The following SEC14L1 variants were observed in gnomAD, a reference collection of about 807,000 sequenced individuals.
SEC14L1 encodes SEC14 like lipid binding 1, also known as SEC14-like protein 1.
SEC14L1 carries 48 observed loss-of-function variants against 85.3 expected under a neutral mutation model. The observed-to-expected ratio is 0.56, with a 90% confidence interval of 0.45 to 0.72. The LOEUF (loss-of-function observed/expected upper bound fraction) is 0.72, where lower values mean the gene tolerates loss of function less well. Ranked by LOEUF, SEC14L1 falls within the 30% of genes least tolerant of loss-of-function variation. SEC14L1 has a pLI of 0.00. For missense variants in SEC14L1, 682 were observed against 921.4 expected, an observed-to-expected ratio of 0.74 and a Z score of 3.36; for synonymous variants, 391 against 355.5, an observed-to-expected ratio of 1.10 and a Z score of -1.12.
At chr17:77,194,556 A>AG in intron 6 of SEC14L1, 121 bp from the exon 7 acceptor site, 1 of 743,336 alleles carries the variant, frequency 1.3e-6, no homozygotes, top group Non-Finnish European at 2.2e-6. Context: ...TGTCTCAAAA[A>AG]AAAAAAAAGA....
chr17:77,216,009 AG>A lies in SEC14L1; in HGVS notation c.*1988del. 3.2e-6 allele frequency: 3 copies of A among 931,580 alleles called. No individual in the cohort carries two copies. The African/African-American group carries it at 6.4e-5, about 20-fold the overall frequency. The allele number at this position is 931,580 out of a possible 1,614,324, so 57.7% of individuals were successfully genotyped here. A position where few individuals can be genotyped will look rare whatever the true frequency, so the allele number is the denominator to read the frequency against. The stretch of plus-strand genomic sequence containing the variant: ...GGTAGGGCTAGTAGGTAGGGTTCGT[AG>A]GTAGGGTTCGTAGGTAGGGCTAGTA... On this transcript the variant is annotated 3_prime_UTR_variant, in exon 17 of 17. Transcript: ENST00000436233.
Position 77,206,370 on chromosome 17 carries a change from G to A in SEC14L1, c.1311G>A (p.Ala437=), listed in dbSNP as rs746446544. Residue 437 remains alanine (A), a synonymous_variant, in exon 12 of 17, where the codon GCG becomes GCA. Transcript: ENST00000436233. The surrounding 1 kb of genome is among the most constrained non-coding windows in gnomAD (Gnocchi z 4.3). ...TGGGCCGCCTTCTCATCCTGCGGGC[G>A]CCCAGGGTATTTCCTGTGCTCTGGA... is the stretch of plus-strand genomic sequence containing the variant. ...ETLGRLLILR[A]PRVFPVLWTL... The A allele has an allele frequency of 7.4e-6, 12 of 1,613,996 alleles. No homozygotes were observed. The highest frequency in any genetic ancestry group is 3.3e-5 in the South Asian group (3 of 91,094).
chr17:77,200,837 G>A (rs1317836335), intron 9 of SEC14L1, among the ~76,000 whole-genome samples, 164 bp downstream of exon 9: 1 of 152,140 alleles, frequency 6.6e-6, no homozygotes, highest in East Asian at 1.9e-4. Flanking sequence ...AGACTGATAC[G>A]TGTCACCACG....
At chr17:77,191,097 CA>C in intron 4 of SEC14L1, 83 bp from the exon 5 acceptor site, 1 of 1,527,852 alleles carries the variant, frequency 6.5e-7, no homozygotes, top group East Asian at 2.3e-5. Context: ...GGGCAGCCCC[CA>C]GAGACAACAT....
intron 3 of SEC14L1, among the ~76,000 whole-genome samples, chr17:77,097,341 G>A (rs1971670754): frequency 2.0e-5 from 3 of 152,172 alleles, no homozygotes; most frequent in African/African-American, 4.8e-5. Context: ...CGAGGCGGGC[G>A]GATCACAAGG....
At chr17:77,142,875 G>C (rs1973123210) in intron 2 of SEC14L1, 125 bp downstream of exon 2, 1 of 152,240 alleles carries the variant, frequency 6.6e-6, no homozygotes, top group African/African-American at 2.4e-5. Flanking sequence ...CCCATAAGGA[G>C]GGCTCCTTGA....
chr17:77,170,240 G>A (rs1022761801), intron 3 of SEC14L1, among the ~76,000 whole-genome samples: 2 of 152,112 alleles, frequency 1.3e-5, no homozygotes, highest in South Asian at 2.1e-4. Flanking sequence ...CTTTTTTAAC[G>A]TGACTCTGGT....
intron 3 of SEC14L1, chr17:77,093,932 C>A (rs2143280711): frequency 6.6e-6 from 1 of 152,298 alleles, no homozygotes; most frequent in East Asian, 1.9e-4. Context: ...ATGAGCAAAT[C>A]CTATAAAGCA....
intron 3 of SEC14L1, among the ~76,000 whole-genome samples, chr17:77,121,260 G>A (rs553891723): frequency 6.6e-6 from 1 of 152,294 alleles, no homozygotes; most frequent in Admixed American, 6.5e-5. Context: ...CAGCGGGCAG[G>A]GAAAAGAGAT....
chr17:77,216,762 G>C lies in SEC14L1; in HGVS notation c.*2739G>C, dbSNP rs1459267899. 1 of 915,028 alleles carries C rather than the reference G, an allele frequency of 1.1e-6. No individual in the cohort carries two copies. The highest frequency in any genetic ancestry group is 1.7e-5 in the African/African-American group (1 of 60,598). The allele number at this position is 915,028 out of a possible 1,614,324, so 56.7% of individuals were successfully genotyped here. A position where few individuals can be genotyped will look rare whatever the true frequency, so the allele number is the denominator to read the frequency against. Reference sequence around the variant, plus strand: ...GCTCAAAGCACATGACCGCACAAATGCTTACAGGGTTTCCTCCCGAGTAAT... The same window carrying C: ...GCTCAAAGCACATGACCGCACAAATCCTTACAGGGTTTCCTCCCGAGTAAT... On this transcript the variant is annotated 3_prime_UTR_variant, in exon 17 of 17. Transcript: ENST00000436233.
intron 3 of SEC14L1, among the ~76,000 whole-genome samples, chr17:77,110,100 C>T (rs1485332818): frequency 6.6e-6 from 1 of 152,154 alleles, no homozygotes; most frequent in Non-Finnish European, 1.5e-5. Context: ...GAGTTGTTTA[C>T]CCGGTTTTCA....
At chr17:77,089,574 G>A (rs1420638720) in intron 2 of SEC14L1, 1 of 468,280 alleles carries the variant, frequency 2.1e-6, no homozygotes, top group Non-Finnish European at 4.3e-6. Context: ...TTACTGTCAT[G>A]TCTTTCATTC....
chr17:77,141,877 A>G (rs949176808), intron 1 of SEC14L1, among the ~76,000 whole-genome samples: 1 of 152,148 alleles, frequency 6.6e-6, no homozygotes, highest in African/African-American at 2.4e-5. Context: ...AATATTCCCA[A>G]TTAAATTTTT....
In SEC14L1 at chr17:77,200,561, T is replaced by TCA. The variant is rs755069379; in HGVS notation, c.898_899dup (p.Gln300HisfsTer4). 1 of 1,614,152 alleles carries TCA rather than the reference T, an allele frequency of 6.2e-7. No homozygotes were observed. Among genetic ancestry groups the TCA allele is most frequent in the South Asian group, 1.1e-5 (1 of 91,082 alleles). On this transcript the variant is annotated frameshift_variant, in exon 9 of 17. Transcript: ENST00000436233. LOFTEE classifies it high-confidence loss of function. ...TTGACAAAGCCAGAGAGATCATGTG[T>TCA]CAGTCTTTGACGTGGAGAAAGCAGC... is the stretch of plus-strand genomic sequence containing the variant.
At chr17:77,181,009 C>T (rs1975011515) in intron 3 of SEC14L1, 1 of 152,110 alleles carries the variant, frequency 6.6e-6, no homozygotes, top group Non-Finnish European at 1.5e-5. Flanking sequence ...TTCCTGTGTC[C>T]TTGTCACTCT....
chr17:77,196,082 C>G (rs9675109), intron 7 of SEC14L1, 120 bp from the exon 8 acceptor site: 1 of 692,446 alleles, frequency 1.4e-6, no homozygotes, highest in African/African-American at 1.8e-5. Flanking sequence ...TCTGCCATCT[C>G]TGCGGTTTCA....
At chr17:77,121,934 G>C (rs1442771963) in intron 3 of SEC14L1, among the ~76,000 whole-genome samples, 3 of 152,196 alleles carry the variant, frequency 2.0e-5, no homozygotes, top group East Asian at 1.9e-4. Flanking sequence ...CAGACATTCA[G>C]CTAAGCCTGA....
At chr17:77,090,291 C>CAAAAAAA (rs541086562) in intron 2 of SEC14L1, among the ~76,000 whole-genome samples, 7 of 112,242 alleles carry the variant, frequency 6.2e-5, no homozygotes, top group Admixed American at 4.7e-4. Context: ...GACTCCATCT[C>CAAAAAAA]AAAAAAAAAA....
chr17:77,200,085 A>G (rs1171679313), intron 8 of SEC14L1, among the ~76,000 whole-genome samples: 1 of 152,166 alleles, frequency 6.6e-6, no homozygotes, highest in Non-Finnish European at 1.5e-5. Context: ...AGGATTGCCT[A>G]AGCCCAGTAG....
Sources: gnomAD v4.1 joint callset for allele counts (sites outside exome capture counted in the v4.1 genomes callset) on GRCh38, gnomAD v4.1.1 for gene constraint, Gnocchi (gnomAD v3.1) non-coding constraint, MANE v1.5 for transcripts, NCBI Gene and HGNC (gene_info 2026-07-23, HGNC 2026-07-21) for gene names.